The following PRKN variants were observed in gnomAD, a reference collection of about 807,000 sequenced individuals.
PRKN encodes parkin RBR E3 ubiquitin protein ligase.
In PRKN, 56 loss-of-function variants were observed where a neutral mutation model predicts 59.5. The ratio of observed to expected loss-of-function variants is 0.94; its 90% CI spans 0.76 to 1.18. The LOEUF (loss-of-function observed/expected upper bound fraction) is 1.18. Ranked by LOEUF, PRKN falls within the 50% of genes most tolerant of loss-of-function variation. The pLI, the probability that PRKN is intolerant of heterozygous loss-of-function variation, is 0.00. For synonymous variants in PRKN, 250 were observed against 222.1 expected (o/e 1.13, Z -1.12); for missense variants, 657 against 596.4 (o/e 1.10, Z -1.06).
At chr6:162,101,944 T>C (rs1440602450) in intron 4 of PRKN, among the ~76,000 whole-genome samples, 1 of 152,198 alleles carries the variant, frequency 6.6e-6, no homozygotes, top group Non-Finnish European at 1.5e-5. Flanking sequence ...GAACTCACAT[T>C]GATACACTAT....
chr6:162,258,632 G>A lies in PRKN; in HGVS notation c.412+3893C>T, dbSNP rs536909452. Among the ~76,000 whole-genome samples, 176 of 152,310 alleles carry A rather than the reference G, an allele frequency of 1.2e-3. 1 individual carries two copies. The highest frequency in any genetic ancestry group is 2.1e-3 in the Non-Finnish European group (142 of 68,022). ...CACAGCCCCTGGGCCCGCGGTGTTA[G>A]CATCACCTGGGAGCTTGCTGGAAAC... On this transcript the variant is annotated intron_variant, in intron 3 of 11. Coordinates refer to ENST00000366898, the MANE Select transcript of PRKN (RefSeq NM_004562.3).
intron 1 of PRKN, among the ~76,000 whole-genome samples, chr6:162,480,643 C>T (rs1450727103): frequency 6.6e-6 from 1 of 151,934 alleles, no homozygotes; most frequent in African/African-American, 2.4e-5. Context: ...AGGGGAAAAA[C>T]AGCCTAGGAC....
intron 10 of PRKN, among the ~76,000 whole-genome samples, chr6:161,383,615 G>A (rs1259959564): frequency 6.6e-6 from 1 of 152,198 alleles, no homozygotes; most frequent in Non-Finnish European, 1.5e-5. Flanking sequence ...CTCCTGTCAT[G>A]AGGCCCCTTC....
intron 9 of PRKN, among the ~76,000 whole-genome samples, chr6:161,426,202 A>C (rs113416357): frequency 2.0e-5 from 3 of 152,262 alleles, no homozygotes; most frequent in African/African-American, 7.2e-5. Context: ...GCCCCTGAAT[A>C]CCCAAAGGGG....
chr6:162,148,838 G>A (rs1782138820), intron 4 of PRKN, among the ~76,000 whole-genome samples: 1 of 151,768 alleles, frequency 6.6e-6, no homozygotes, highest in Non-Finnish European at 1.5e-5. Flanking sequence ...AAATTGAAAG[G>A]GAAAGAAAAG....
In PRKN at chr6:161,535,949, AC is replaced by A. The variant is rs1250516074; in HGVS notation, c.1083+12904del. Among the ~76,000 whole-genome samples, 3 of 51,036 alleles carry A rather than the reference AC, an allele frequency of 5.9e-5. No homozygotes were observed. In the Admixed American group the frequency reaches 8.6e-4, roughly 15 times the overall value. The allele number at this position is 51,036 out of a possible 152,430, so 33.5% of individuals were successfully genotyped here. A position where few individuals can be genotyped will look rare whatever the true frequency, so the allele number is the denominator to read the frequency against. ...CTACAATCCATTTAGCCAGAGAGGA[AC>A]AAAAAGATTTTTTTTTTTTATTGCT... is the stretch of plus-strand genomic sequence containing the variant. On this transcript the variant is annotated intron_variant, in intron 9 of 11. Coordinates refer to ENST00000366898, the MANE Select transcript of PRKN (RefSeq NM_004562.3).
chr6:161,656,505 G>A (rs1366397293), intron 7 of PRKN, among the ~76,000 whole-genome samples: 1 of 152,206 alleles, frequency 6.6e-6, no homozygotes, highest in African/African-American at 2.4e-5. Flanking sequence ...AGCTGTTGGA[G>A]TTGGGAGGAG....
intron 4 of PRKN, among the ~76,000 whole-genome samples, chr6:162,180,343 C>T (rs1783746149): frequency 1.3e-5 from 2 of 152,106 alleles, no homozygotes. Flanking sequence ...GGATGGATAC[C>T]TCATTCTGCA....
At chr6:162,296,295 AG>A (rs140657730) in intron 2 of PRKN, among the ~76,000 whole-genome samples, 5,730 of 133,246 alleles carry the variant, frequency 0.043, 171 homozygotes, top group African/African-American at 0.087. Context: ...CCTCCCAGCC[AG>A]GGGCCTTGAC....
chr6:161,850,500 C>T (rs1261544362), intron 6 of PRKN, among the ~76,000 whole-genome samples: 4 of 134,172 alleles, frequency 3.0e-5, no homozygotes, highest in Non-Finnish European at 4.6e-5. Context: ...CGCTTGAACC[C>T]GGGAGGCAGA....
rs57747027 is a variant in PRKN, at chr6:161,859,610, CAA to C, written c.735-73704_735-73703del. Among the ~76,000 whole-genome samples, 413 of 90,330 alleles carry C rather than the reference CAA, an allele frequency of 4.6e-3. 5 individuals are homozygous for C. The highest frequency in any genetic ancestry group is 5.5e-3 in the South Asian group (12 of 2,174). The allele number at this position is 90,330 out of a possible 152,430, so 59.3% of individuals were successfully genotyped here. A position where few individuals can be genotyped will look rare whatever the true frequency, so the allele number is the denominator to read the frequency against. The stretch of plus-strand genomic sequence containing the variant: ...TGGGTGACAGAGTGAGACTCTCTCT[CAA>C]AAAAAAAAAAAAAAAAAGAGAAAGA... On this transcript the variant is annotated intron_variant, in intron 6 of 11. Transcript: ENST00000366898.
At chr6:162,485,485 ATG>A (rs1792497002) in intron 1 of PRKN, among the ~76,000 whole-genome samples, 1 of 152,232 alleles carries the variant, frequency 6.6e-6, no homozygotes. Context: ...GTAGACTTAA[ATG>A]TTACAGCAGA....
chr6:161,347,959 GA>G lies in PRKN; in HGVS notation c.*2139del. On this transcript the variant is annotated 3_prime_UTR_variant, in exon 12 of 12. Coordinates refer to ENST00000366898, the MANE Select transcript of PRKN (RefSeq NM_004562.3). ...GAATCACTGTTCTATTCTGGAAAGGGAAAAGACCACCACCAAGAAGGGAAAG... is the reference window on the plus strand; with the variant it reads ...GAATCACTGTTCTATTCTGGAAAGGGAAAGACCACCACCAAGAAGGGAAAG... 1 of 174,504 alleles carries G rather than the reference GA, an allele frequency of 5.7e-6. No individual in the cohort carries two copies. The highest frequency in any genetic ancestry group is 1.2e-5 in the Non-Finnish European group (1 of 80,886). The allele number at this position is 174,504 out of a possible 1,614,324, so 10.8% of individuals were successfully genotyped here.
intron 6 of PRKN, among the ~76,000 whole-genome samples, chr6:161,911,886 A>G (rs1052549639): frequency 6.6e-6 from 1 of 152,284 alleles, no homozygotes; most frequent in East Asian, 1.9e-4. Context: ...CAAAAGTATA[A>G]GAAACGATGG....
At chr6:161,779,413 CT>C (rs1049372571) in intron 7 of PRKN, among the ~76,000 whole-genome samples, 3 of 90,908 alleles carry the variant, frequency 3.3e-5, no homozygotes, top group Admixed American at 1.1e-4. Flanking sequence ...CCTTTCTTTT[CT>C]TTTTTTTCTC....
rs189065645 is a variant in PRKN at position 162,659,299 on chromosome 6, A to C, written c.7+68363T>G. The stretch of plus-strand genomic sequence containing the variant: ...GATTTTTAAGGTTTATATTGGAACA[A>C]GTTTCATTCCAATTTGATTTGTGAC... On this transcript the variant is annotated intron_variant, in intron 1 of 11. Coordinates refer to ENST00000366898, the MANE Select transcript of PRKN (RefSeq NM_004562.3). Among the ~76,000 whole-genome samples the C allele has an allele frequency of 4.4e-3, 596 of 135,028 alleles. 4 individuals are homozygous for C. The highest frequency in any genetic ancestry group is 8.6e-3 in the Admixed American group (106 of 12,368). The allele number at this position is 135,028 out of a possible 152,430, so 88.6% of individuals were successfully genotyped here.
rs1379679694 is a variant in PRKN, at chr6:161,379,032, G to C, written c.1167+7762C>G. ...TTTATGTTGCATTGCCAAGGGATTA[G>C]CAGGCTAGAAAGGGAGTTGCCATCC... is the stretch of plus-strand genomic sequence containing the variant. On this transcript the variant is annotated intron_variant, in intron 10 of 11. Coordinates refer to ENST00000366898, the MANE Select transcript of PRKN (RefSeq NM_004562.3). This position sits in a 1 kb window ranked among gnomAD's most constrained non-coding sequence, Gnocchi z 4.9. Among the ~76,000 whole-genome samples the C allele has an allele frequency of 6.6e-6, 1 of 152,182 alleles. No individual in the cohort carries two copies. Among genetic ancestry groups the C allele is most frequent in the Non-Finnish European group, 1.5e-5 (1 of 68,034 alleles).
At chr6:161,531,026 A>G (rs74396905) in intron 9 of PRKN, among the ~76,000 whole-genome samples, 2,950 of 152,280 alleles carry the variant, frequency 0.019, 46 homozygotes, top group African/African-American at 0.03. Flanking sequence ...ACCATCTGAT[A>G]ATAATGTTTA....
intron 1 of PRKN, among the ~76,000 whole-genome samples, chr6:162,677,809 T>C (rs544451840): frequency 1.4e-4 from 21 of 152,334 alleles, no homozygotes; most frequent in African/African-American, 4.3e-4. Context: ...GAAAGCTCTA[T>C]TGAGGTCTGA....
Sources: allele counts gnomAD v4.1 joint callset (sites outside exome capture counted in the v4.1 genomes callset), GRCh38; gene constraint gnomAD v4.1.1; non-coding constraint Gnocchi (gnomAD v3.1); transcripts MANE v1.5; gene names NCBI Gene and HGNC (gene_info 2026-07-23, HGNC 2026-07-21).